The following PIR variants were observed in gnomAD, a reference collection of about 807,000 sequenced individuals.
The protein encoded by PIR is pirin.
In PIR, 22 loss-of-function variants were observed where a neutral mutation model predicts 24.2. That is an observed-to-expected ratio of 0.91 (90% CI 0.65 to 1.30). The LOEUF (loss-of-function observed/expected upper bound fraction) is 1.30. PIR is among the 50% of genes most tolerant of loss of function. The pLI is 0.00. For missense variants in PIR, 220 were observed against 220.3 expected, an observed-to-expected ratio of 1.00 and a Z score of 0.01; for synonymous variants, 80 against 79.6, an observed-to-expected ratio of 1.00 and a Z score of -0.03.
chrX:15,387,073 C>CTTTTTT (rs764572854), intron 9 of PIR, among the ~76,000 whole-genome samples: 179 of 12,627 alleles, frequency 0.014, 3 homozygotes, highest in Non-Finnish European at 0.023. Flanking sequence ...CTTTTCTTTT[C>CTTTTTT]TTTTTTTTTT....
intron 6 of PIR, among the ~76,000 whole-genome samples, chrX:15,408,059 G>A (rs1158299436): frequency 1.8e-5 from 2 of 111,471 alleles, no homozygotes; most frequent in African/African-American, 3.3e-5. Context: ...CGATTCTCCT[G>A]CCTCAGCCTT....
intron 7 of PIR, among the ~76,000 whole-genome samples, chrX:15,405,358 G>A (rs185207104): frequency 2.0e-4 from 22 of 112,133 alleles, no homozygotes; most frequent in South Asian, 1.1e-3. Context: ...AGTTTTATTG[G>A]AATAGCCACC....
intron 6 of PIR, among the ~76,000 whole-genome samples, chrX:15,412,086 G>A (rs1487057807): frequency 4.5e-5 from 5 of 111,810 alleles, no homozygotes; most frequent in Non-Finnish European, 9.4e-5. Context: ...TGCACTTATG[G>A]AAATTATGAA....
intron 3 of PIR, among the ~76,000 whole-genome samples, chrX:15,466,769 C>T (rs1345867950): frequency 9.0e-6 from 1 of 111,608 alleles, no homozygotes; most frequent in Non-Finnish European, 1.9e-5. Context: ...AATAGTTCCC[C>T]CTACCCCCTC....
At chrX:15,446,143 C>A (rs995968112) in intron 5 of PIR, among the ~76,000 whole-genome samples, 6 of 111,450 alleles carry the variant, frequency 5.4e-5, no homozygotes, top group African/African-American at 2.0e-4. Flanking sequence ...CAAGATATTT[C>A]TAAAAACAAA....
intron 6 of PIR, among the ~76,000 whole-genome samples, chrX:15,422,952 G>A (rs1420604030): frequency 8.9e-6 from 1 of 111,763 alleles, no homozygotes; most frequent in East Asian, 2.8e-4. Context: ...AATCAGCATG[G>A]TATTGGCATA....
intron 5 of PIR, among the ~76,000 whole-genome samples, chrX:15,437,131 T>G (rs188889701): frequency 1.5e-3 from 165 of 112,167 alleles, no homozygotes; most frequent in African/African-American, 5.1e-3. Flanking sequence ...GGGACAAAAT[T>G]CAGGAAACCT....
intron 5 of PIR, among the ~76,000 whole-genome samples, chrX:15,446,590 C>T (rs1220113915): frequency 8.9e-6 from 1 of 111,894 alleles, no homozygotes; most frequent in African/African-American, 3.2e-5. Context: ...TCTAGACATT[C>T]CACCCTTCTT....
chrX:15,448,186 A>T (rs1926172532), intron 5 of PIR, among the ~76,000 whole-genome samples: 1 of 112,435 alleles, frequency 8.9e-6, no homozygotes, highest in Non-Finnish European at 1.9e-5. Flanking sequence ...AGCTGATTTG[A>T]GCAGATCCTG....
At chrX:15,411,660 C>G (rs1924745618) in intron 6 of PIR, among the ~76,000 whole-genome samples, 1 of 110,611 alleles carries the variant, frequency 9.0e-6, no homozygotes, top group Non-Finnish European at 1.9e-5. Flanking sequence ...AGATCCTCCT[C>G]CCATACCCGC....
chrX:15,401,298 C>T (rs779377370), intron 7 of PIR, among the ~76,000 whole-genome samples: 68 of 105,037 alleles, frequency 6.5e-4, no homozygotes, highest in Middle Eastern at 0.01. Context: ...CTCAAGCAAT[C>T]CTCCCACCTC....
intron 7 of PIR, among the ~76,000 whole-genome samples, chrX:15,400,912 G>A (rs1047363562): frequency 5.5e-5 from 6 of 108,382 alleles, no homozygotes; most frequent in African/African-American, 2.0e-4. Context: ...CTAATTTTTT[G>A]TATTTTTAAT....
chrX:15,471,136 C>A (rs1053993061), intron 3 of PIR, among the ~76,000 whole-genome samples: 7 of 112,010 alleles, frequency 6.2e-5, no homozygotes, highest in African/African-American at 1.9e-4. Context: ...TAATTCTTTG[C>A]TGTGGGAAGT....
intron 3 of PIR, among the ~76,000 whole-genome samples, chrX:15,475,600 T>C (rs961753619): frequency 1.8e-5 from 2 of 111,750 alleles, no homozygotes; most frequent in Non-Finnish European, 3.8e-5. Flanking sequence ...CTTCCTAAGG[T>C]AGGTGAGAGG....
chrX:15,428,173 T>C (rs1307769877), intron 5 of PIR, among the ~76,000 whole-genome samples: 1 of 111,072 alleles, frequency 9.0e-6, no homozygotes, highest in Non-Finnish European at 1.9e-5. Context: ...CAGAAAGACC[T>C]GTGACATCAA....
chrX:15,404,159 C>T (rs1924485100), intron 7 of PIR, among the ~76,000 whole-genome samples: 1 of 110,595 alleles, frequency 9.0e-6, no homozygotes, highest in Admixed American at 9.6e-5. Flanking sequence ...ATCACCACAC[C>T]CGGCTAATTT....
chrX:15,476,056 A>G (rs1381712825), intron 3 of PIR, among the ~76,000 whole-genome samples: 1 of 112,276 alleles, frequency 8.9e-6, no homozygotes, highest in Non-Finnish European at 1.9e-5. Context: ...GATCTAGACC[A>G]GCATTTCTCA....
chrX:15,393,838 C>T (rs1246067221), intron 8 of PIR, among the ~76,000 whole-genome samples: 1 of 105,091 alleles, frequency 9.5e-6, no homozygotes, highest in African/African-American at 3.5e-5. Context: ...TGTCTCCCAT[C>T]AACCCCGGAT....
intron 5 of PIR, among the ~76,000 whole-genome samples, chrX:15,455,341 C>T (rs780393227): frequency 2.8e-4 from 31 of 112,451 alleles, no homozygotes; most frequent in Admixed American, 2.8e-4. Flanking sequence ...CAGGGCATGT[C>T]GTGTATGGGT....
Sources: allele counts gnomAD v4.1 joint callset (sites outside exome capture counted in the v4.1 genomes callset), GRCh38; gene constraint gnomAD v4.1.1; transcripts MANE v1.5; gene names NCBI Gene and HGNC (gene_info 2026-07-23, HGNC 2026-07-21).